TC2N: variants seen among roughly 807,000 people sequenced by gnomAD.
TC2N encodes tandem C2 domains nuclear protein.
In TC2N, 51 loss-of-function variants were observed where a neutral mutation model predicts 61.9. The observed-to-expected ratio is 0.82, with a 90% CI of 0.66 to 1.04. The LOEUF (loss-of-function observed/expected upper bound fraction) is 1.04. TC2N is among the 50% of genes least tolerant of loss of function. TC2N has a pLI of 0.00. For missense variants in TC2N, 556 were observed against 566.7 expected (o/e 0.98, Z 0.19); for synonymous variants, 204 against 192.6 (o/e 1.06, Z -0.49).
chr14:91,822,630 G>A (rs1433012025), intron 1 of TC2N, among the ~76,000 whole-genome samples: 1 of 151,910 alleles, frequency 6.6e-6, no homozygotes, highest in African/African-American at 2.4e-5. Flanking sequence ...TGAGGAGTGG[G>A]GAGATGAAGC....
At chr14:91,824,907 A>G (rs1887421759) in intron 1 of TC2N, among the ~76,000 whole-genome samples, 1 of 152,058 alleles carries the variant, frequency 6.6e-6, no homozygotes, top group African/African-American at 2.4e-5. Flanking sequence ...CCCACTTTGC[A>G]TTATTTTGCA....
At chr14:91,825,322 G>T (rs1024593237) in intron 1 of TC2N, among the ~76,000 whole-genome samples, 1 of 151,926 alleles carries the variant, frequency 6.6e-6, no homozygotes, top group African/African-American at 2.4e-5. Flanking sequence ...GTGAGCCACC[G>T]CGCCTGGCCA....
intron 1 of TC2N, among the ~76,000 whole-genome samples, chr14:91,854,169 A>T (rs1194390554): frequency 2.0e-5 from 3 of 152,054 alleles, no homozygotes; most frequent in Non-Finnish European, 4.4e-5. Context: ...CCACTCTAAG[A>T]AAGCCATAGG....
At chr14:91,827,441 C>T (rs1169652737) in intron 1 of TC2N, among the ~76,000 whole-genome samples, 1 of 152,122 alleles carries the variant, frequency 6.6e-6, no homozygotes, top group Non-Finnish European at 1.5e-5. Context: ...TGGCTCATGG[C>T]CCCTTCCTCC....
intron 8 of TC2N, among the ~76,000 whole-genome samples, chr14:91,794,377 G>A (rs547483898): frequency 3.9e-5 from 6 of 152,280 alleles, no homozygotes; most frequent in African/African-American, 1.4e-4. Context: ...GGAAGAAGAT[G>A]CCATGTAGGA....
chr14:91,828,454 T>C (rs1213722592), intron 1 of TC2N, among the ~76,000 whole-genome samples: 1 of 151,864 alleles, frequency 6.6e-6, no homozygotes, highest in African/African-American at 2.4e-5. Context: ...AATATAACTT[T>C]ACATTTATGT....
intron 5 of TC2N, 148 bp from the exon 6 acceptor site, chr14:91,799,212 G>GT (rs1886089051): frequency 8.0e-5 from 32 of 398,094 alleles, no homozygotes; most frequent in Non-Finnish European, 9.1e-5. Context: ...TACAGGTAGT[G>GT]GAAAAAAAAA....
At chr14:91,828,231 T>C (rs1257635629) in intron 1 of TC2N, among the ~76,000 whole-genome samples, 2 of 152,160 alleles carry the variant, frequency 1.3e-5, no homozygotes, top group African/African-American at 4.8e-5. Context: ...TATACAAAAG[T>C]ATAGCAAATA....
At chr14:91,861,535 A>G (rs769882773) in intron 1 of TC2N, among the ~76,000 whole-genome samples, 52 of 152,262 alleles carry the variant, frequency 3.4e-4, no homozygotes, top group Non-Finnish European at 6.0e-4. Flanking sequence ...AAGGTGGGCC[A>G]GTGCAGAGAA....
intron 1 of TC2N, among the ~76,000 whole-genome samples, chr14:91,822,707 T>C (rs1425676651): frequency 7.0e-6 from 1 of 142,328 alleles, no homozygotes; most frequent in Admixed American, 7.6e-5. Flanking sequence ...GGTAATATAC[T>C]CATTATCTTT....
chr14:91,851,408 A>G (rs1469166138), intron 1 of TC2N, among the ~76,000 whole-genome samples: 2 of 152,046 alleles, frequency 1.3e-5, no homozygotes, highest in African/African-American at 2.4e-5. Context: ...TACCTCTCCA[A>G]CCTTTCTTTG....
chr14:91,829,837 T>C (rs1887671086), intron 1 of TC2N, among the ~76,000 whole-genome samples: 1 of 152,134 alleles, frequency 6.6e-6, no homozygotes, highest in Admixed American at 6.5e-5. Context: ...TCTGCATTTG[T>C]TTACCAGACC....
At chr14:91,853,128 C>T (rs1232638533) in intron 1 of TC2N, among the ~76,000 whole-genome samples, 3 of 151,788 alleles carry the variant, frequency 2.0e-5, no homozygotes, top group Non-Finnish European at 4.4e-5. Flanking sequence ...TGTTATTAAA[C>T]ATTTGCTGCT....
chr14:91,814,517 G>A (rs1886924089), intron 1 of TC2N, among the ~76,000 whole-genome samples: 1 of 151,042 alleles, frequency 6.6e-6, no homozygotes, highest in Admixed American at 6.6e-5. Context: ...ATGACAGCAA[G>A]ATGAGAAGTA....
rs1316196793 is a variant in TC2N, at chr14:91,779,901, C to T, written c.*3199G>A. The T allele has an allele frequency of 6.6e-6, 1 of 152,134 alleles. No homozygotes were observed. The highest frequency in any genetic ancestry group is 2.4e-5 in the African/African-American group (1 of 41,436). 9.4% of individuals were successfully genotyped at this position (152,134 alleles called of 1,614,324 possible). ...CCACATTCATCTTCCTACAATTCTT[C>T]ACCCACAAAATAAAATCCAATTTAG... is the stretch of plus-strand genomic sequence containing the variant. On this transcript the variant is annotated 3_prime_UTR_variant, in exon 12 of 12. Coordinates refer to ENST00000435962, the MANE Select transcript of TC2N (RefSeq NM_001128596.3).
At chr14:91,856,839 C>T (rs2139923238) in intron 1 of TC2N, among the ~76,000 whole-genome samples, 1 of 152,170 alleles carries the variant, frequency 6.6e-6, no homozygotes, top group East Asian at 1.9e-4. Context: ...CTAGTGCCAC[C>T]AGAGTTTACC....
intron 1 of TC2N, among the ~76,000 whole-genome samples, chr14:91,847,016 G>A (rs1333790008): frequency 6.6e-6 from 1 of 152,220 alleles, no homozygotes; most frequent in Non-Finnish European, 1.5e-5. Context: ...CCAACTCTTT[G>A]GGAGGCCGAG....
intron 1 of TC2N, among the ~76,000 whole-genome samples, chr14:91,838,619 T>A (rs1388066035): frequency 6.6e-6 from 1 of 152,266 alleles, no homozygotes; most frequent in Non-Finnish European, 1.5e-5. Flanking sequence ...GAATGAATGC[T>A]CAATAACTAC....
In TC2N at chr14:91,797,879, G is replaced by C. The variant is rs746510540; in HGVS notation, c.761C>G (p.Ser254Cys). 6.9e-6 allele frequency: 11 copies of C among 1,602,950 alleles called. No homozygotes were observed. In the South Asian group the frequency reaches 1.2e-4, roughly 18 times the overall value. Residue 254 changes from serine (S) to cysteine (C), a missense_variant, in exon 8 of 12, where the codon TCT (serine) becomes TGT (cysteine). By Grantham distance (112) the Ser-to-Cys change is moderately radical. Coordinates refer to ENST00000435962, the MANE Select transcript of TC2N (RefSeq NM_001128596.3). ...AACAGTAGGAGTGTCTCCATAACTAGAGGGCCAACTTAAATCTCTGCACTA... is the reference window on the plus strand; with the variant it reads ...AACAGTAGGAGTGTCTCCATAACTACAGGGCCAACTTAAATCTCTGCACTA... Reference protein sequence around the residue: ...VLQCRDLSWPSSYGDTPTVSI... With the variant: ...VLQCRDLSWPCSYGDTPTVSI...
Sources: gnomAD v4.1 joint callset for allele counts (sites outside exome capture counted in the v4.1 genomes callset) on GRCh38, gnomAD v4.1.1 for gene constraint, MANE v1.5 for transcripts, NCBI Gene and HGNC (gene_info 2026-07-23, HGNC 2026-07-21) for gene names.